Variants in GLRB observed in about 807,000 individuals in gnomAD.
GLRB encodes the protein glycine receptor subunit beta.
Under a neutral mutation model 54.2 loss-of-function variants are expected in GLRB, and 33 were observed. The ratio of observed to expected loss-of-function variants is 0.61; its 90% CI spans 0.46 to 0.81. GLRB has a LOEUF of 0.81. GLRB is among the 40% of genes least tolerant of loss of function. GLRB has a pLI of 0.00. For missense variants in GLRB, 572 were observed against 584.6 expected (o/e 0.98, Z 0.22); for synonymous variants, 209 against 208.2 (o/e 1.00, Z -0.03).
intron 2 of GLRB, among the ~76,000 whole-genome samples, chr4:157,119,549 C>A (rs1735726715): frequency 6.6e-6 from 1 of 151,552 alleles, no homozygotes; most frequent in Non-Finnish European, 1.5e-5. Context: ...TAGAAAGTAA[C>A]ATGGAGTATT....
intron 2 of GLRB, among the ~76,000 whole-genome samples, chr4:157,108,581 A>G (rs1735306079): frequency 6.6e-6 from 1 of 152,120 alleles, no homozygotes; most frequent in African/African-American, 2.4e-5. Context: ...ATAAAACTTG[A>G]ACAGAAGATG....
intron 6 of GLRB, among the ~76,000 whole-genome samples, chr4:157,137,799 A>T (rs1473073353): frequency 6.6e-6 from 1 of 152,184 alleles, no homozygotes; most frequent in Non-Finnish European, 1.5e-5. Flanking sequence ...GTCAAGATGT[A>T]CTTGTAGAAA....
intron 8 of GLRB, among the ~76,000 whole-genome samples, chr4:157,150,721 CT>C (rs1736990484): frequency 6.6e-6 from 1 of 151,938 alleles, no homozygotes. Flanking sequence ...CCTTCCCCAT[CT>C]TTTTTACGGA....
chr4:157,146,268 A>T (rs1579238285), intron 8 of GLRB, among the ~76,000 whole-genome samples: 1 of 150,150 alleles, frequency 6.7e-6, no homozygotes, highest in African/African-American at 2.5e-5. Flanking sequence ...GCCCGCCTCG[A>T]CCTCCCAAAG....
At chr4:157,077,763 C>T (rs966207224) in intron 1 of GLRB, among the ~76,000 whole-genome samples, 6 of 148,666 alleles carry the variant, frequency 4.0e-5, no homozygotes, top group Non-Finnish European at 8.9e-5. Flanking sequence ...GTCTTGTTTT[C>T]TATGTGCCAT....
chr4:157,096,709 A>T (rs1734825044), intron 2 of GLRB, among the ~76,000 whole-genome samples: 1 of 152,220 alleles, frequency 6.6e-6, no homozygotes, highest in Non-Finnish European at 1.5e-5. Flanking sequence ...GATATCATTC[A>T]AATTCAACAG....
chr4:157,091,570 C>T (rs1734616671), intron 2 of GLRB, among the ~76,000 whole-genome samples: 3 of 152,208 alleles, frequency 2.0e-5, no homozygotes, highest in Admixed American at 1.3e-4. Context: ...CTGGGTAACA[C>T]TCCTCAAAGT....
chr4:157,117,689 C>T (rs1175272386), intron 2 of GLRB, among the ~76,000 whole-genome samples: 2 of 151,578 alleles, frequency 1.3e-5, no homozygotes, highest in Non-Finnish European at 3.0e-5. Context: ...CTGCTTACCC[C>T]TTACAGCACA....
chr4:157,168,115 A>ATT (rs111436022), intron 9 of GLRB, among the ~76,000 whole-genome samples: 64 of 145,252 alleles, frequency 4.4e-4, no homozygotes, highest in African/African-American at 6.0e-4. Flanking sequence ...ACCAGTTCCT[A>ATT]TTTTTTTTTT....
chr4:157,163,238 G>T (rs1398633724), intron 9 of GLRB, among the ~76,000 whole-genome samples: 1 of 152,112 alleles, frequency 6.6e-6, no homozygotes, highest in Non-Finnish European at 1.5e-5. Flanking sequence ...ATCTGTCACA[G>T]CTTCCCTTTG....
At chr4:157,115,464 G>C (rs1735577120) in intron 2 of GLRB, among the ~76,000 whole-genome samples, 1 of 151,576 alleles carries the variant, frequency 6.6e-6, no homozygotes, top group South Asian at 2.1e-4. Context: ...TATTCAGAAA[G>C]GGAATCTTCC....
At position 157,145,017 on chromosome 4, in the gene GLRB, C is replaced by CA. The variant is rs1410350591; in HGVS notation, c.904+1065dup. Among the ~76,000 whole-genome samples the CA allele has an allele frequency of 6.6e-5, 10 of 151,838 alleles. No individual in the cohort carries two copies. The East Asian group carries it at 9.7e-4, about 15-fold the overall frequency. Reference sequence around the variant, plus strand: ...GTATTATATTTACTGGGAAAATAACCAAAAAAACCTGAATTTAAATTCTTA... The same window carrying CA: ...GTATTATATTTACTGGGAAAATAACCAAAAAAAACCTGAATTTAAATTCTTA... On this transcript the variant is annotated intron_variant, in intron 8 of 9. Transcript: ENST00000264428.
intron 2 of GLRB, among the ~76,000 whole-genome samples, chr4:157,114,074 G>T (rs562791160): frequency 2.0e-5 from 3 of 152,022 alleles, no homozygotes; most frequent in African/African-American, 7.2e-5. Flanking sequence ...TGAAGTATTT[G>T]TCTGTCTTTG....
rs184309622 is a variant in GLRB at position 157,127,431 on chromosome 4, C to T, written c.297+5034C>T. On this transcript the variant is annotated intron_variant, in intron 4 of 9. Transcript: ENST00000264428. ...CTGTTGTTGGCTGAATAATGGCCCC[C>T]TAAAGATGTTCATGTCATAATCACC... Among the ~76,000 whole-genome samples the T allele has an allele frequency of 4.1e-4, 63 of 151,826 alleles. No homozygotes were observed. The East Asian group carries it at 0.01, about 24-fold the overall frequency.
chr4:157,110,347 CT>C (rs1280256347), intron 2 of GLRB, among the ~76,000 whole-genome samples: 1 of 151,584 alleles, frequency 6.6e-6, no homozygotes, highest in African/African-American at 2.4e-5. Flanking sequence ...TTTGTTTTTT[CT>C]TTTTTTGCTC....
intron 4 of GLRB, among the ~76,000 whole-genome samples, chr4:157,123,152 T>G (rs900055236): frequency 6.6e-6 from 1 of 151,762 alleles, no homozygotes; most frequent in African/African-American, 2.4e-5. Context: ...GTGCTCTTTT[T>G]GACAAACCAC....
chr4:157,162,757 T>C (rs935547038), intron 9 of GLRB, among the ~76,000 whole-genome samples: 15 of 152,142 alleles, frequency 9.9e-5, no homozygotes, highest in Admixed American at 3.3e-4. Context: ...CTGTGAGATG[T>C]CTCCCAGTTA....
At chr4:157,087,701 A>C (rs1242372680) in intron 2 of GLRB, among the ~76,000 whole-genome samples, 2 of 152,088 alleles carry the variant, frequency 1.3e-5, no homozygotes, top group African/African-American at 4.8e-5. Flanking sequence ...AAAGTAGAAG[A>C]GTAAGGTATG....
chr4:157,129,874 G>A (rs1736149139), intron 4 of GLRB, among the ~76,000 whole-genome samples: 1 of 151,520 alleles, frequency 6.6e-6, no homozygotes, highest in Non-Finnish European at 1.5e-5. Flanking sequence ...GTGAATGACT[G>A]TTCAAAATAA....
Sources: gnomAD v4.1 joint callset for allele counts (sites outside exome capture counted in the v4.1 genomes callset) on GRCh38, gnomAD v4.1.1 for gene constraint, MANE v1.5 for transcripts, NCBI Gene and HGNC (gene_info 2026-07-23, HGNC 2026-07-21) for gene names.